ZMYND8: variants seen among roughly 807,000 people sequenced by gnomAD.
ZMYND8 encodes zinc finger MYND-type containing 8.
Under a neutral mutation model 140.8 loss-of-function variants are expected in ZMYND8, and 37 were observed. The ratio of observed to expected loss-of-function variants is 0.26; its 90% confidence interval spans 0.20 to 0.35. The LOEUF (loss-of-function observed/expected upper bound fraction) is 0.35, where lower values mean the gene tolerates loss of function less well. ZMYND8 is among the 10% of genes least tolerant of loss of function. The pLI is 1.00. For synonymous variants in ZMYND8, 592 were observed against 597.1 expected (o/e 0.99, Z 0.12); for missense variants, 1,068 against 1,570.0 (o/e 0.68, Z 5.40).
rs541070284 is a variant in ZMYND8 at position 47,294,540 on chromosome 20, T to C, written c.567+126A>G. 6.3e-5 allele frequency: 50 copies of C among 797,548 alleles called. No homozygotes were observed. In the African/African-American group the frequency reaches 7.4e-4, roughly 12 times the overall value. 49.4% of individuals were successfully genotyped at this position (797,548 alleles called of 1,614,324 possible). ...TACCTCATGTGTGATTTACACATACTTGAATTTGGGGATGCAAGGAGGCCC... is the reference window on the plus strand; with the variant it reads ...TACCTCATGTGTGATTTACACATACCTGAATTTGGGGATGCAAGGAGGCCC... On this transcript the variant is annotated intron_variant, in intron 5 of 22. Transcript: ENST00000471951.
chr20:47,296,776 C>G (rs1315388747), intron 4 of ZMYND8, among the ~76,000 whole-genome samples: 1 of 152,024 alleles, frequency 6.6e-6, no homozygotes, highest in Admixed American at 6.6e-5. Context: ...GGTAACATAG[C>G]AAGACCCTGT....
At chr20:47,303,850 G>A (rs1243537779) in intron 3 of ZMYND8, among the ~76,000 whole-genome samples, 1 of 152,138 alleles carries the variant, frequency 6.6e-6, no homozygotes, top group Non-Finnish European at 1.5e-5. Context: ...CTCCTGGCTG[G>A]GGCTGGCTGC....
At chr20:47,309,950 C>T in intron 3 of ZMYND8, 106 bp downstream of exon 3, 7 of 1,479,978 alleles carry the variant, frequency 4.7e-6, no homozygotes, top group Non-Finnish European at 6.5e-6. Context: ...CGCAAGGCAG[C>T]TAACTAAATC....
intron 2 of ZMYND8, among the ~76,000 whole-genome samples, chr20:47,326,842 T>G (rs1321157718): frequency 6.6e-6 from 1 of 152,198 alleles, no homozygotes; most frequent in Non-Finnish European, 1.5e-5. Flanking sequence ...AGTGTCAGCA[T>G]CACACCAGGC....
At chr20:47,300,882 TTTTG>T (rs1347154028) in intron 3 of ZMYND8, among the ~76,000 whole-genome samples, 1 of 120,706 alleles carries the variant, frequency 8.3e-6, no homozygotes, top group Non-Finnish European at 1.7e-5. Flanking sequence ...GCACAACTAA[TTTTG>T]TGTGTGTGTG....
chr20:47,251,634 G>A (rs994456772), intron 12 of ZMYND8, among the ~76,000 whole-genome samples: 4 of 151,924 alleles, frequency 2.6e-5, no homozygotes, highest in Non-Finnish European at 4.4e-5. Context: ...CTTTATACCC[G>A]TCTCTGTCCG....
At chr20:47,256,959 C>G (rs904609942) in intron 12 of ZMYND8, among the ~76,000 whole-genome samples, 1 of 152,162 alleles carries the variant, frequency 6.6e-6, no homozygotes, top group Non-Finnish European at 1.5e-5. Flanking sequence ...AGTAAACACC[C>G]TCTGTGAAAT....
intron 3 of ZMYND8, among the ~76,000 whole-genome samples, chr20:47,299,744 C>A (rs942772749): frequency 6.6e-6 from 1 of 152,064 alleles, no homozygotes; most frequent in Non-Finnish European, 1.5e-5. Context: ...CCACCATGCC[C>A]GGCTAATTTT....
intron 11 of ZMYND8, among the ~76,000 whole-genome samples, chr20:47,269,697 T>C (rs755072917): frequency 4.6e-5 from 7 of 152,166 alleles, no homozygotes; most frequent in Non-Finnish European, 8.8e-5. Context: ...AGGAAAAAAA[T>C]GCCCTTTCCC....
At chr20:47,317,799 T>C (rs1452661573) in intron 2 of ZMYND8, among the ~76,000 whole-genome samples, 2 of 152,150 alleles carry the variant, frequency 1.3e-5, no homozygotes, top group African/African-American at 2.4e-5. Context: ...TCAAAATGCA[T>C]GCAGAACCTG....
chr20:47,294,967 G>GT (rs1465209948), intron 4 of ZMYND8, among the ~76,000 whole-genome samples, 188 bp from the exon 5 acceptor site: 19 of 152,306 alleles, frequency 1.2e-4, no homozygotes, highest in African/African-American at 4.6e-4. Context: ...ATTAAAAAGC[G>GT]TATCAATCTA....
chr20:47,276,910 TAAAA>T (rs10717572), intron 10 of ZMYND8, 115 bp from the exon 11 acceptor site: 169 of 514,848 alleles, frequency 3.3e-4, no homozygotes, highest in South Asian at 5.3e-4. Flanking sequence ...CTTATTCTAT[TAAAA>T]AAAAAAAAAA....
intron 3 of ZMYND8, among the ~76,000 whole-genome samples, chr20:47,302,304 A>G (rs1333209061): frequency 6.6e-6 from 1 of 152,120 alleles, no homozygotes; most frequent in Admixed American, 6.5e-5. Context: ...GTGAAACTCC[A>G]TCTCTACAAA....
chr20:47,278,459 C>T (rs1257780424), intron 10 of ZMYND8, among the ~76,000 whole-genome samples: 2 of 152,178 alleles, frequency 1.3e-5, no homozygotes, highest in Admixed American at 1.3e-4. Context: ...AACACTGCCA[C>T]GTTTTCCAAT....
At chr20:47,304,310 T>A (rs1445649648) in intron 3 of ZMYND8, among the ~76,000 whole-genome samples, 2 of 152,228 alleles carry the variant, frequency 1.3e-5, no homozygotes, top group African/African-American at 4.8e-5. Context: ...ACCGGCAAAC[T>A]TTTCCTATAA....
intron 7 of ZMYND8, among the ~76,000 whole-genome samples, chr20:47,288,045 A>G (rs185956008): frequency 6.6e-6 from 1 of 152,320 alleles, no homozygotes; most frequent in East Asian, 1.9e-4. Context: ...AAGATGGTCC[A>G]AAGTCATGTT....
intron 11 of ZMYND8, among the ~76,000 whole-genome samples, chr20:47,271,120 A>G (rs1355892740): frequency 6.6e-6 from 1 of 152,088 alleles, no homozygotes; most frequent in Non-Finnish European, 1.5e-5. Context: ...CTCTCAATAC[A>G]GAGCCCATAC....
At chr20:47,233,640 C>A (rs1568937293) in intron 16 of ZMYND8, among the ~76,000 whole-genome samples, 1 of 152,188 alleles carries the variant, frequency 6.6e-6, no homozygotes, top group Admixed American at 6.5e-5. Flanking sequence ...CTCTCTAGGG[C>A]CTGGCTGCTA....
chr20:47,272,915 A>G (rs1003373114), intron 11 of ZMYND8, among the ~76,000 whole-genome samples: 6 of 152,206 alleles, frequency 3.9e-5, no homozygotes, highest in Admixed American at 3.9e-4. Context: ...TATTATCCTG[A>G]CTGTGGAAGC....
Sources: allele counts gnomAD v4.1 joint callset (sites outside exome capture counted in the v4.1 genomes callset), GRCh38; gene constraint gnomAD v4.1.1; transcripts MANE v1.5; gene names NCBI Gene and HGNC (gene_info 2026-07-23, HGNC 2026-07-21).